ITFG1: variants seen among roughly 807,000 people sequenced by gnomAD.
The protein encoded by ITFG1 is integrin alpha FG-GAP repeat containing 1, also known as T-cell immunomodulatory protein.
A neutral mutation model predicts 81.8 loss-of-function variants in ITFG1; 34 were observed. The ratio of observed to expected loss-of-function variants is 0.42; its 90% CI spans 0.32 to 0.55. The LOEUF (loss-of-function observed/expected upper bound fraction) is 0.55. Ranked by LOEUF, ITFG1 falls within the 20% of genes least tolerant of loss-of-function variation. The pLI is 0.17. For missense variants in ITFG1, 672 were observed against 755.4 expected (o/e 0.89, Z 1.29); for synonymous variants, 285 against 270.6 (o/e 1.05, Z -0.52).
At chr16:47,177,212 C>T (rs1965040018) in intron 14 of ITFG1, among the ~76,000 whole-genome samples, 1 of 152,154 alleles carries the variant, frequency 6.6e-6, no homozygotes, top group African/African-American at 2.4e-5. Context: ...ACAAGTGATC[C>T]TCCCACCTCA....
intron 8 of ITFG1, among the ~76,000 whole-genome samples, chr16:47,347,140 C>T (rs1212963805): frequency 6.6e-6 from 1 of 152,238 alleles, no homozygotes; most frequent in African/African-American, 2.4e-5. Context: ...CGGGTGATTT[C>T]TGCATTTCCA....
chr16:47,289,975 A>G (rs1158887622), intron 10 of ITFG1, among the ~76,000 whole-genome samples: 1 of 152,026 alleles, frequency 6.6e-6, no homozygotes, highest in Non-Finnish European at 1.5e-5. Flanking sequence ...GTTGGTGTTT[A>G]TATCAGCTTT....
intron 10 of ITFG1, among the ~76,000 whole-genome samples, chr16:47,291,416 G>C (rs905172172): frequency 6.6e-6 from 1 of 151,678 alleles, no homozygotes; most frequent in Non-Finnish European, 1.5e-5. Flanking sequence ...ATATGCCTTG[G>C]GGAGGACCAT....
chr16:47,328,477 T>TAATAAA (rs1200547936), intron 8 of ITFG1, among the ~76,000 whole-genome samples: 22 of 151,782 alleles, frequency 1.4e-4, no homozygotes, highest in African/African-American at 4.6e-4. Flanking sequence ...ATAATAATAA[T>TAATAAA]AATAAAAAAA....
rs755437377 is a variant in ITFG1 at position 47,311,349 on chromosome 16, C to T, written c.961G>A (p.Asp321Asn). 2 of 1,613,740 alleles carry T rather than the reference C, an allele frequency of 1.2e-6. No homozygotes were observed. The highest frequency in any genetic ancestry group is 1.7e-6 in the Non-Finnish European group (2 of 1,179,802). ...GGTATTTCAGTTGGTTGCTGTTCAT[C>T]CACAAATGGCACAAAGCCCCAGAGT... ...GTLWGFVPFV[D>N]EQQPTEIPIP... Residue 321 changes from aspartate to asparagine, a missense_variant, in exon 10 of 18, where the codon GAT becomes AAT. Physicochemically the swap from Asp to Asn is conservative, Grantham distance 23 (BLOSUM62 1). Around this residue, in one of 3 missense-constraint regions of ITFG1, gnomAD observed 560 missense variants for 625.7 expected, o/e 0.90. Transcript: ENST00000320640.
At chr16:47,441,654 A>G (rs1227251204) in intron 5 of ITFG1, among the ~76,000 whole-genome samples, 1 of 152,204 alleles carries the variant, frequency 6.6e-6, no homozygotes, top group African/African-American at 2.4e-5. Flanking sequence ...AACTCTCAAT[A>G]AATTAGGTAT....
chr16:47,291,197 G>A (rs1029908597), intron 10 of ITFG1, among the ~76,000 whole-genome samples: 3 of 152,058 alleles, frequency 2.0e-5, no homozygotes, highest in African/African-American at 7.2e-5. Context: ...GTCGTATCAT[G>A]TAAAACAATT....
chr16:47,360,734 C>A (rs558890459), intron 8 of ITFG1, among the ~76,000 whole-genome samples: 1 of 152,130 alleles, frequency 6.6e-6, no homozygotes, highest in Non-Finnish European at 1.5e-5. Flanking sequence ...CCAGATCAAA[C>A]ATGAACAAGA....
intron 10 of ITFG1, among the ~76,000 whole-genome samples, chr16:47,287,947 C>T (rs567357876): frequency 7.2e-5 from 11 of 152,188 alleles, no homozygotes; most frequent in Non-Finnish European, 1.2e-4. Flanking sequence ...CTGCCTTATA[C>T]AGTGTTATCC....
chr16:47,197,554 G>A (rs557315537), intron 14 of ITFG1, among the ~76,000 whole-genome samples: 9 of 152,282 alleles, frequency 5.9e-5, no homozygotes, highest in East Asian at 1.9e-4. Flanking sequence ...TAACCTGACC[G>A]CCTTGCCACA....
chr16:47,324,978 C>T (rs559716104), intron 8 of ITFG1, among the ~76,000 whole-genome samples: 22 of 152,246 alleles, frequency 1.4e-4, no homozygotes, highest in East Asian at 9.6e-4. Context: ...CTGCACCAAG[C>T]GGACCTAATA....
chr16:47,306,463 C>G (rs895357466), intron 10 of ITFG1, among the ~76,000 whole-genome samples: 1 of 151,798 alleles, frequency 6.6e-6, no homozygotes, highest in East Asian at 1.9e-4. Flanking sequence ...TTATGTGAAC[C>G]CTTTAAGATA....
At chr16:47,242,022 A>G (rs1314836151) in intron 12 of ITFG1, among the ~76,000 whole-genome samples, 1 of 152,032 alleles carries the variant, frequency 6.6e-6, no homozygotes, top group African/African-American at 2.4e-5. Context: ...GGTGGTGATG[A>G]CTATATTCTC....
rs116302050 is a variant in ITFG1, at chr16:47,445,645, A to G, written c.560+5751T>C. 7.5e-3 allele frequency among the ~76,000 whole-genome samples: 1,142 copies of G among 152,306 alleles called. 19 individuals are homozygous for G. Among genetic ancestry groups the G allele is most frequent in the African/African-American group, 0.026 (1,082 of 41,574 alleles). On this transcript the variant is annotated intron_variant, in intron 5 of 17. Transcript: ENST00000320640. ...GTAGAGTCTATCATCTACTAACTCC[A>G]CTTAATCTTAGCTAGTCCCATGACC...
intron 1 of ITFG1, 139 bp downstream of exon 1, chr16:47,460,699 G>C: frequency 1.1e-6 from 1 of 910,788 alleles, no homozygotes; most frequent in Non-Finnish European, 1.7e-6. Flanking sequence ...AAGCTGTTAA[G>C]AATGCTAAAG....
At chr16:47,426,137 T>C (rs1018468663) in intron 6 of ITFG1, 1 of 152,120 alleles carries the variant, frequency 6.6e-6, no homozygotes, top group African/African-American at 2.4e-5. Flanking sequence ...CGCTTAAGAA[T>C]TTCATGTAGG....
intron 6 of ITFG1, among the ~76,000 whole-genome samples, chr16:47,424,141 T>C (rs1968988300): frequency 1.3e-5 from 2 of 152,246 alleles, no homozygotes; most frequent in Admixed American, 1.3e-4. Context: ...TTACTCTTTT[T>C]TCTCTAACCT....
intron 8 of ITFG1, among the ~76,000 whole-genome samples, chr16:47,326,726 G>A (rs896578262): frequency 1.3e-5 from 2 of 151,962 alleles, no homozygotes; most frequent in Non-Finnish European, 2.9e-5. Context: ...CATTCACAAT[G>A]GCTTCAAAGA....
chr16:47,199,123 A>G (rs1965392414), intron 14 of ITFG1, among the ~76,000 whole-genome samples: 1 of 152,126 alleles, frequency 6.6e-6, no homozygotes, highest in East Asian at 1.9e-4. Flanking sequence ...AAAATACAAA[A>G]ATTACCCGGG....
Sources: gnomAD v4.1 joint callset for allele counts (sites outside exome capture counted in the v4.1 genomes callset) on GRCh38, gnomAD v4.1.1 for gene constraint, gnomAD v4.1.1 regional missense constraint, MANE v1.5 for transcripts, NCBI Gene and HGNC (gene_info 2026-07-23, HGNC 2026-07-21) for gene names.